The following INPP4A variants were observed in gnomAD, a reference collection of about 807,000 sequenced individuals.
INPP4A encodes inositol polyphosphate-4-phosphatase type I A, also known as inositol polyphosphate-4-phosphatase, type I, 107kD.
A neutral mutation model predicts 119.8 loss-of-function variants in INPP4A; 33 were observed. The observed-to-expected ratio is 0.28, with a 90% CI of 0.21 to 0.37. INPP4A has a LOEUF of 0.37. Among genes scored for constraint, INPP4A ranks in the 10% least tolerant of loss-of-function variants. The pLI, the probability that INPP4A is intolerant of heterozygous loss-of-function variation, is 1.00. For synonymous variants in INPP4A, 496 were observed against 500.7 expected, an observed-to-expected ratio of 0.99 and a Z score of 0.12; for missense variants, 956 against 1,289.9, an observed-to-expected ratio of 0.74 and a Z score of 3.97.
At chr2:98,463,398 C>T (rs998884017) in intron 1 of INPP4A, among the ~76,000 whole-genome samples, 1 of 152,216 alleles carries the variant, frequency 6.6e-6, no homozygotes, top group African/African-American at 2.4e-5. Flanking sequence ...TCTGGCCATG[C>T]CCTCCCAGCA....
chr2:98,488,008 G>A (rs1448291465), intron 1 of INPP4A, among the ~76,000 whole-genome samples: 1 of 152,148 alleles, frequency 6.6e-6, no homozygotes, highest in African/African-American at 2.4e-5. Context: ...AGTTGGATAT[G>A]ACAGGAATAA....
At position 98,546,221 on chromosome 2, in the gene INPP4A, G is replaced by T. The variant is rs1287072812; in HGVS notation, c.1054+148G>T. The T allele has an allele frequency of 1.2e-5, 7 of 607,466 alleles. No individual in the cohort carries two copies. The highest frequency in any genetic ancestry group is 2.9e-5 in the Admixed American group (1 of 34,696). The allele number at this position is 607,466 out of a possible 1,614,324, so 37.6% of individuals were successfully genotyped here. ...GATTTGTCACAAGGACCTTCAAAAG[G>T]TTTCTGATAACAGCCCACACCCCTT... On this transcript the variant is annotated intron_variant, in intron 12 of 24. Coordinates refer to ENST00000409851, the MANE Select transcript of INPP4A (RefSeq NM_001134225.2). This position sits in a 1 kb window ranked among gnomAD's most constrained non-coding sequence, Gnocchi z 4.2.
intron 4 of INPP4A, chr2:98,520,965 C>T (rs1687072783): frequency 4.6e-6 from 2 of 437,354 alleles, no homozygotes; most frequent in Admixed American, 8.9e-5. Context: ...GGCCCGCCCC[C>T]TTGGGGGTAT....
In INPP4A at chr2:98,538,310, AC is replaced by A. The variant is rs1690716894; in HGVS notation, c.579+339del. On this transcript the variant is annotated intron_variant, in intron 8 of 24. Transcript: ENST00000409851. ...GAGGGTGAGCAAAGAGGCATTTAGG[AC>A]CCAGGTCATCTGTCCTGTTTTAATA... Among the ~76,000 whole-genome samples, 4 of 152,192 alleles carry A rather than the reference AC, an allele frequency of 2.6e-5. No homozygotes were observed. The South Asian group carries it at 8.3e-4, about 32-fold the overall frequency.
intron 1 of INPP4A, among the ~76,000 whole-genome samples, chr2:98,501,404 T>C (rs529956359): frequency 1.5e-4 from 23 of 152,324 alleles, no homozygotes; most frequent in Admixed American, 1.1e-3. Flanking sequence ...AATGATTTCC[T>C]GAGTGTCAGT....
Position 98,548,142 on chromosome 2 carries a change from C to T in INPP4A, c.1163+1448C>T, listed in dbSNP as rs574285309. On this transcript the variant is annotated intron_variant, in intron 13 of 24. Coordinates refer to ENST00000409851, the MANE Select transcript of INPP4A (RefSeq NM_001134225.2). Reference sequence around the variant, plus strand: ...CAAGGCTGAGCAGGGAACGGAAGAGCGTACCCTGTGAGAAGTCACCATTCA... The same window carrying T: ...CAAGGCTGAGCAGGGAACGGAAGAGTGTACCCTGTGAGAAGTCACCATTCA... Among the ~76,000 whole-genome samples the T allele has an allele frequency of 2.5e-4, 38 of 152,248 alleles. No individual in the cohort carries two copies. The East Asian group carries it at 4.8e-3, about 19-fold the overall frequency.
intron 4 of INPP4A, among the ~76,000 whole-genome samples, chr2:98,529,097 T>G (rs543874818): frequency 1.3e-5 from 2 of 151,462 alleles, no homozygotes; most frequent in Admixed American, 6.6e-5. Flanking sequence ...AAAAAAAAAT[T>G]TCTATTCATC....
At chr2:98,515,044 G>A (rs953007248) in intron 1 of INPP4A, among the ~76,000 whole-genome samples, 21 of 152,268 alleles carry the variant, frequency 1.4e-4, no homozygotes, top group African/African-American at 4.8e-4. Context: ...GCAGCTCCAC[G>A]CCCTTCCCAC....
rs61757084 is a variant in INPP4A, at chr2:98,536,151, C to T, written c.410C>T (p.Thr137Met). 15 of 1,611,216 alleles carry T rather than the reference C, an allele frequency of 9.3e-6. No individual in the cohort carries two copies. Among genetic ancestry groups the T allele is most frequent in the South Asian group, 3.3e-5 (3 of 90,936 alleles). ...QGTMYLLGSGTFIVKDLLQDR... is the reference protein window; with the variant it reads ...QGTMYLLGSGMFIVKDLLQDR... ...CAGATGTATTTACTGGGCTCTGGAA[C>T]GTTCATTGTCAAAGATCTGCTCCAG... Residue 137 changes from threonine (T) to methionine (M), a missense_variant, in exon 7 of 25, where the codon ACG (threonine) becomes ATG (methionine). Around this residue, in one of 2 missense-constraint regions of INPP4A, gnomAD observed 652 missense variants for 797.9 expected, o/e 0.82. Coordinates refer to ENST00000409851, the MANE Select transcript of INPP4A (RefSeq NM_001134225.2).
intron 1 of INPP4A, among the ~76,000 whole-genome samples, chr2:98,483,888 C>G (rs1679007258): frequency 6.6e-6 from 1 of 152,180 alleles, no homozygotes; most frequent in South Asian, 2.1e-4. Flanking sequence ...CCTCTCCACC[C>G]TCTTGCCTGA....
chr2:98,528,024 A>G (rs1688492787), intron 4 of INPP4A, among the ~76,000 whole-genome samples: 1 of 152,224 alleles, frequency 6.6e-6, no homozygotes, highest in African/African-American at 2.4e-5. Flanking sequence ...ACAGATGGAA[A>G]AAACCCATAC....
Position 98,529,817 on chromosome 2 carries a change from TAAAA to T in INPP4A, c.152-3559_152-3556del, listed in dbSNP as rs139186925. 6.6e-4 allele frequency among the ~76,000 whole-genome samples: 101 copies of T among 152,308 alleles called. 2 individuals are homozygous for T. The East Asian group carries it at 0.01, about 15-fold the overall frequency. Reference sequence around the variant, plus strand: ...ACTTTATGATATGTGAATCATATCTTAAAAGAAACGTAGTAAAAATTAAAGCAAT... The same window carrying T: ...ACTTTATGATATGTGAATCATATCTTGAAACGTAGTAAAAATTAAAGCAAT... On this transcript the variant is annotated intron_variant, in intron 4 of 24. Transcript: ENST00000409851.
chr2:98,565,769 A>T lies in INPP4A; in HGVS notation c.2279+3A>T. On this transcript the variant is annotated splice_donor_region_variant and intron_variant, in intron 20 of 24. Coordinates refer to ENST00000409851, the MANE Select transcript of INPP4A (RefSeq NM_001134225.2). ...CTGCCCGTCATCACAGGAAATCGGTAGAGTGTTGGTTTAAAATTCTCTGAG... is the reference window on the plus strand; with the variant it reads ...CTGCCCGTCATCACAGGAAATCGGTTGAGTGTTGGTTTAAAATTCTCTGAG... 1 of 1,611,134 alleles carries T rather than the reference A, an allele frequency of 6.2e-7. No individual in the cohort carries two copies. Among genetic ancestry groups the T allele is most frequent in the South Asian group, 1.1e-5 (1 of 90,410 alleles).
chr2:98,586,512 C>A (rs959334056), intron 24 of INPP4A, among the ~76,000 whole-genome samples: 2 of 152,192 alleles, frequency 1.3e-5, no homozygotes. Flanking sequence ...TCAAGTTATA[C>A]TGTGCTGTGG....
intron 1 of INPP4A, among the ~76,000 whole-genome samples, chr2:98,502,563 A>G (rs531251090): frequency 6.6e-6 from 1 of 152,274 alleles, no homozygotes; most frequent in South Asian, 2.1e-4. Flanking sequence ...TTTGTTCTCA[A>G]TGTATTCTCT....
At chr2:98,557,789 G>A (rs927649998) in intron 16 of INPP4A, among the ~76,000 whole-genome samples, 3 of 152,226 alleles carry the variant, frequency 2.0e-5, no homozygotes, top group African/African-American at 7.2e-5. Context: ...GTCCCTGCCA[G>A]CCAAAACCAC....
intron 1 of INPP4A, among the ~76,000 whole-genome samples, chr2:98,483,797 T>A (rs762665083): frequency 1.6e-4 from 24 of 152,194 alleles, no homozygotes; most frequent in Non-Finnish European, 3.4e-4. Flanking sequence ...GACCCTCTTC[T>A]GTGTGGCTAG....
At chr2:98,513,403 A>G (rs1474793980) in intron 1 of INPP4A, among the ~76,000 whole-genome samples, 1 of 152,228 alleles carries the variant, frequency 6.6e-6, no homozygotes, top group East Asian at 1.9e-4. Context: ...TTTGCTTTGC[A>G]TTAAAAGTTG....
At chr2:98,567,990 A>G (rs1696780870) in intron 21 of INPP4A, among the ~76,000 whole-genome samples, 1 of 152,132 alleles carries the variant, frequency 6.6e-6, no homozygotes, top group Admixed American at 6.5e-5. Flanking sequence ...CCTAATGATC[A>G]CCTTGTGCCT....
Sources: gnomAD v4.1 joint callset for allele counts (sites outside exome capture counted in the v4.1 genomes callset) on GRCh38, gnomAD v4.1.1 for gene constraint, gnomAD v4.1.1 regional missense constraint, Gnocchi (gnomAD v3.1) non-coding constraint, MANE v1.5 for transcripts, NCBI Gene and HGNC (gene_info 2026-07-23, HGNC 2026-07-21) for gene names.